The following KCNQ3 variants were observed in gnomAD, a reference collection of about 807,000 sequenced individuals.
The protein encoded by KCNQ3 is potassium voltage-gated channel subfamily Q member 3.
A neutral mutation model predicts 92.5 loss-of-function variants in KCNQ3; 30 were observed. That is an observed-to-expected ratio of 0.32 (90% CI 0.24 to 0.44). The LOEUF (loss-of-function observed/expected upper bound fraction) is 0.44, where lower values mean the gene tolerates loss of function less well. Among genes scored for constraint, KCNQ3 ranks in the 20% least tolerant of loss-of-function variants. The pLI is 1.00. For missense variants in KCNQ3, 913 were observed against 1,140.3 expected (o/e 0.80, Z 2.87); for synonymous variants, 450 against 468.8 (o/e 0.96, Z 0.52).
chr8:132,251,233 C>T (rs1349846779), intron 1 of KCNQ3, among the ~76,000 whole-genome samples: 1 of 152,036 alleles, frequency 6.6e-6, no homozygotes, highest in Non-Finnish European at 1.5e-5. Context: ...CACCACTGCA[C>T]TCCAATCTGG....
At chr8:132,219,480 A>G (rs1415802305) in intron 1 of KCNQ3, among the ~76,000 whole-genome samples, 1 of 152,092 alleles carries the variant, frequency 6.6e-6, no homozygotes, top group Non-Finnish European at 1.5e-5. Flanking sequence ...GACCCTGGCT[A>G]GCTACCTTCT....
At chr8:132,226,142 GCACCTGTAGT>G (rs966679605) in intron 1 of KCNQ3, among the ~76,000 whole-genome samples, 3 of 152,042 alleles carry the variant, frequency 2.0e-5, no homozygotes, top group African/African-American at 7.2e-5. Flanking sequence ...ATGGTGGCAG[GCACCTGTAGT>G]CTCAGCTACT....
chr8:132,239,881 G>A (rs1814930991), intron 1 of KCNQ3, among the ~76,000 whole-genome samples: 2 of 152,194 alleles, frequency 1.3e-5, no homozygotes, highest in Non-Finnish European at 2.9e-5. Context: ...AAGGTCCGAT[G>A]ACAACCTTTG....
At chr8:132,232,079 C>A (rs1475644579) in intron 1 of KCNQ3, among the ~76,000 whole-genome samples, 1 of 152,170 alleles carries the variant, frequency 6.6e-6, no homozygotes, top group Non-Finnish European at 1.5e-5. Flanking sequence ...AATGGAGACA[C>A]CTGGATTTAA....
chr8:132,328,598 C>T (rs931810564), intron 1 of KCNQ3, among the ~76,000 whole-genome samples: 1 of 152,166 alleles, frequency 6.6e-6, no homozygotes, highest in Admixed American at 6.5e-5. Flanking sequence ...ATACTCTCCA[C>T]CTCAAGTCTT....
chr8:132,303,675 T>TACACAC (rs1353286057), intron 1 of KCNQ3, among the ~76,000 whole-genome samples: 6 of 30,758 alleles, frequency 2.0e-4, no homozygotes, highest in African/African-American at 1.7e-3. Flanking sequence ...TGTATATATA[T>TACACAC]ATACACACAC....
At chr8:132,306,843 T>G (rs1206446419) in intron 1 of KCNQ3, among the ~76,000 whole-genome samples, 1 of 152,226 alleles carries the variant, frequency 6.6e-6, no homozygotes, top group Non-Finnish European at 1.5e-5. Context: ...AAAGGCAGAC[T>G]CTTGACAGCA....
chr8:132,134,349 T>G lies in KCNQ3; in HGVS notation c.1740A>C (p.Pro580=). The G allele has an allele frequency of 6.2e-7, 1 of 1,614,052 alleles. No homozygotes were observed. The highest frequency in any genetic ancestry group is 8.5e-7 in the Non-Finnish European group (1 of 1,179,958). ...MIFTPGPPST[P]KHKKSQKGSA... ...ACCCTTTCTGAGACTTCTTGTGTTT[T>G]GGCGTGGAGGGAGGTCCAGGGGTGA... Residue 580 remains proline (P), a synonymous_variant, in exon 13 of 15, where the codon CCA becomes CCC. Coordinates refer to ENST00000388996, the MANE Select transcript of KCNQ3 (RefSeq NM_004519.4).
chr8:132,343,648 C>A (rs113145054), intron 1 of KCNQ3, among the ~76,000 whole-genome samples: 3,611 of 152,196 alleles, frequency 0.024, 57 homozygotes, highest in African/African-American at 0.039. Flanking sequence ...CTGCTGGTGG[C>A]TTCTTTAGGG....
At chr8:132,149,296 C>G (rs80050602) in intron 9 of KCNQ3, among the ~76,000 whole-genome samples, 1 of 152,216 alleles carries the variant, frequency 6.6e-6, no homozygotes, top group Non-Finnish European at 1.5e-5. Context: ...GGAGCCTGGC[C>G]TCTCCTGTTC....
intron 1 of KCNQ3, among the ~76,000 whole-genome samples, chr8:132,223,018 T>A (rs1814285143): frequency 6.6e-6 from 1 of 152,228 alleles, no homozygotes; most frequent in Non-Finnish European, 1.5e-5. Context: ...TTACTGGTTG[T>A]CCCAGCAAAG....
intron 1 of KCNQ3, among the ~76,000 whole-genome samples, chr8:132,363,503 T>C (rs1315342988): frequency 6.6e-6 from 1 of 152,036 alleles, no homozygotes; most frequent in Non-Finnish European, 1.5e-5. Context: ...GATTTATTAA[T>C]ATATTTACAT....
intron 1 of KCNQ3, among the ~76,000 whole-genome samples, chr8:132,245,475 T>C (rs528322886): frequency 6.6e-6 from 1 of 152,328 alleles, no homozygotes; most frequent in South Asian, 2.1e-4. Flanking sequence ...GTGTTTAGCA[T>C]ATGGACTCTA....
intron 1 of KCNQ3, among the ~76,000 whole-genome samples, chr8:132,417,861 A>T (rs1359208011): frequency 6.6e-6 from 1 of 152,216 alleles, no homozygotes; most frequent in Non-Finnish European, 1.5e-5. Flanking sequence ...CAGGAAAAAA[A>T]CGTTCTCTTT....
intron 14 of KCNQ3, 85 bp from the exon 15 acceptor site, chr8:132,130,081 TTTG>T: frequency 1.5e-6 from 2 of 1,374,522 alleles, no homozygotes; most frequent in Non-Finnish European, 2.0e-6. Flanking sequence ...ATTCTTTTTT[TTTG>T]TTTTTTTTTT....
chr8:132,181,872 C>G (rs778111979), intron 3 of KCNQ3, among the ~76,000 whole-genome samples: 3 of 151,674 alleles, frequency 2.0e-5, no homozygotes, highest in Non-Finnish European at 2.9e-5. Context: ...GATAACATGT[C>G]TCTACTAAAA....
chr8:132,300,942 ATAAT>A (rs905278721), intron 1 of KCNQ3, among the ~76,000 whole-genome samples: 4 of 152,126 alleles, frequency 2.6e-5, no homozygotes, highest in Non-Finnish European at 5.9e-5. Flanking sequence ...CAAGATGGTG[ATAAT>A]TATTATTATT....
chr8:132,409,712 G>A (rs1297051577), intron 1 of KCNQ3, among the ~76,000 whole-genome samples: 2 of 152,150 alleles, frequency 1.3e-5, no homozygotes, highest in Non-Finnish European at 2.9e-5. Flanking sequence ...TTGCCAGCTA[G>A]CCCTGGGTTC....
intron 1 of KCNQ3, among the ~76,000 whole-genome samples, chr8:132,256,944 G>GT (rs1336757548): frequency 2.6e-5 from 4 of 152,062 alleles, no homozygotes; most frequent in African/African-American, 9.7e-5. Flanking sequence ...ATCGGTGAAG[G>GT]TAACTACATA....
Sources: allele counts gnomAD v4.1 joint callset (sites outside exome capture counted in the v4.1 genomes callset), GRCh38; gene constraint gnomAD v4.1.1; transcripts MANE v1.5; gene names NCBI Gene and HGNC (gene_info 2026-07-23, HGNC 2026-07-21).